GPC5: variants seen among roughly 807,000 people sequenced by gnomAD.
The protein encoded by GPC5 is glypican 5.
GPC5 carries 47 observed loss-of-function variants against 53.9 expected under a neutral mutation model. The ratio of observed to expected loss-of-function variants is 0.87; its 90% CI spans 0.69 to 1.11. GPC5 has a LOEUF of 1.11. GPC5 is among the 50% of genes most tolerant of loss of function. The probability of loss-of-function intolerance (pLI) is 0.00; values close to 1 mark genes in which losing one functional copy is unlikely to be tolerated. For synonymous variants in GPC5, 286 were observed against 263.3 expected, an observed-to-expected ratio of 1.09 and a Z score of -0.84; for missense variants, 748 against 713.1, an observed-to-expected ratio of 1.05 and a Z score of -0.56.
At chr13:92,498,275 G>A (rs893113491) in intron 7 of GPC5, among the ~76,000 whole-genome samples, 2 of 151,984 alleles carry the variant, frequency 1.3e-5, no homozygotes, top group Non-Finnish European at 1.5e-5. Context: ...CTTGGGGTGG[G>A]CTGTCTGCAT....
chr13:92,850,493 A>G (rs1878756821), intron 7 of GPC5, among the ~76,000 whole-genome samples: 1 of 152,030 alleles, frequency 6.6e-6, no homozygotes, highest in African/African-American at 2.4e-5. Flanking sequence ...CAGCTACTTG[A>G]GAGGCTGAGA....
chr13:91,606,272 T>C (rs1160303353), intron 2 of GPC5, among the ~76,000 whole-genome samples: 1 of 151,088 alleles, frequency 6.6e-6, no homozygotes, highest in Admixed American at 6.6e-5. Flanking sequence ...GATTTGCGTA[T>C]ATTGAACCAG....
chr13:91,741,300 G>A (rs1189071653), intron 4 of GPC5, among the ~76,000 whole-genome samples: 8 of 151,674 alleles, frequency 5.3e-5, no homozygotes, highest in Non-Finnish European at 1.0e-4. Flanking sequence ...TTATTAAATC[G>A]TGATTTGAGT....
intron 7 of GPC5, among the ~76,000 whole-genome samples, chr13:92,411,643 T>A (rs2139350018): frequency 6.6e-6 from 1 of 152,312 alleles, no homozygotes; most frequent in East Asian, 1.9e-4. Flanking sequence ...TTAATCTCAG[T>A]AATTTTAATA....
chr13:92,786,334 G>A (rs535017698), intron 7 of GPC5, among the ~76,000 whole-genome samples: 2 of 152,162 alleles, frequency 1.3e-5, no homozygotes, highest in Non-Finnish European at 2.9e-5. Flanking sequence ...GTTGAAAGAT[G>A]TGTATGATTT....
intron 7 of GPC5, among the ~76,000 whole-genome samples, chr13:92,254,966 CA>C (rs1346490799): frequency 6.6e-6 from 1 of 151,802 alleles, no homozygotes; most frequent in Non-Finnish European, 1.5e-5. Context: ...ATAATCAGAC[CA>C]AAAAAGACCC....
chr13:92,136,748 G>A (rs2041787711), intron 6 of GPC5, among the ~76,000 whole-genome samples: 1 of 152,170 alleles, frequency 6.6e-6, no homozygotes, highest in African/African-American at 2.4e-5. Flanking sequence ...CCACTAACAG[G>A]TTGTATGTGT....
At chr13:92,213,940 A>T (rs1259441775) in intron 7 of GPC5, among the ~76,000 whole-genome samples, 1 of 152,200 alleles carries the variant, frequency 6.6e-6, no homozygotes, top group Admixed American at 6.5e-5. Flanking sequence ...AGACATAAAA[A>T]TTTTATTTCC....
At chr13:92,680,889 A>T (rs1015198641) in intron 7 of GPC5, among the ~76,000 whole-genome samples, 1 of 152,144 alleles carries the variant, frequency 6.6e-6, no homozygotes, top group Non-Finnish European at 1.5e-5. Flanking sequence ...GTCACCAGGA[A>T]CCTTCTTCAG....
chr13:91,977,678 C>A (rs1411257904), intron 6 of GPC5, among the ~76,000 whole-genome samples: 3 of 152,106 alleles, frequency 2.0e-5, no homozygotes, highest in Non-Finnish European at 4.4e-5. Flanking sequence ...TTAAAGATAC[C>A]TCCTTCCCCC....
chr13:92,524,447 A>T (rs552672318), intron 7 of GPC5, among the ~76,000 whole-genome samples: 1 of 152,206 alleles, frequency 6.6e-6, no homozygotes, highest in South Asian at 2.1e-4. Context: ...CAGACAGAAT[A>T]TTTTTCCAAA....
At chr13:92,436,963 A>C (rs528812503) in intron 7 of GPC5, among the ~76,000 whole-genome samples, 14 of 152,328 alleles carry the variant, frequency 9.2e-5, no homozygotes, top group African/African-American at 3.4e-4. Flanking sequence ...TAAAGGGAAA[A>C]CATGACAAAA....
At chr13:92,352,389 G>C (rs970031695) in intron 7 of GPC5, among the ~76,000 whole-genome samples, 1 of 152,084 alleles carries the variant, frequency 6.6e-6, no homozygotes, top group Admixed American at 6.5e-5. Flanking sequence ...TATATTAAGA[G>C]AATTAATTCT....
rs1337270829 is a variant in GPC5 at position 91,693,527 on chromosome 13, C to T, written c.666C>T (p.Ser222=). 2.5e-6 allele frequency: 4 copies of T among 1,613,978 alleles called. No homozygotes were observed. In the African/African-American group the frequency reaches 5.3e-5, roughly 22 times the overall value. The change falls in exon 3 of 8, where the codon AGC becomes AGT. Residue 222 remains serine (S), a synonymous_variant. Transcript: ENST00000377067. ...MGQMGRSLLP[S]RTFLQALNLG... ...AGATGGGGAGGTCCCTGCTGCCCAG[C>T]CGCACTTTTCTGCAGGCACTCAATC...
In GPC5 at chr13:92,163,869, C is replaced by T. The variant is rs546116619; in HGVS notation, c.1561+18880C>T. Among the ~76,000 whole-genome samples, 29 of 152,298 alleles carry T rather than the reference C, an allele frequency of 1.9e-4. No individual in the cohort carries two copies. The South Asian group carries it at 6.0e-3, about 32-fold the overall frequency. On this transcript the variant is annotated intron_variant, in intron 7 of 7. Coordinates refer to ENST00000377067, the MANE Select transcript of GPC5 (RefSeq NM_004466.6). ...TTATAAAGAAAAGAGGTTTAATTGA[C>T]TCACAGTTCCACATGGCTAGAGAGG...
At chr13:92,457,673 T>A (rs1231390286) in intron 7 of GPC5, among the ~76,000 whole-genome samples, 1 of 152,198 alleles carries the variant, frequency 6.6e-6, no homozygotes, top group East Asian at 1.9e-4. Context: ...TAGCTCAAAT[T>A]TAGCCTATTT....
intron 1 of GPC5, among the ~76,000 whole-genome samples, chr13:91,439,435 A>G (rs1401634028): frequency 6.6e-6 from 1 of 152,200 alleles, no homozygotes; most frequent in Non-Finnish European, 1.5e-5. Flanking sequence ...ATCTTATAAA[A>G]ATCTTCAGTA....
At chr13:92,844,086 G>C (rs1246499495) in intron 7 of GPC5, among the ~76,000 whole-genome samples, 2 of 151,780 alleles carry the variant, frequency 1.3e-5, no homozygotes, top group Non-Finnish European at 1.5e-5. Flanking sequence ...AAGGATGATG[G>C]TGGGGAAAAG....
chr13:92,213,285 C>G lies in GPC5; in HGVS notation c.1561+68296C>G, dbSNP rs1375114559. Reference sequence around the variant, plus strand: ...ACATATATATGACAAACTTTCCATCCTCCCGGAGCTTACAAATCATTTTTT... The same window carrying G: ...ACATATATATGACAAACTTTCCATCGTCCCGGAGCTTACAAATCATTTTTT... On this transcript the variant is annotated intron_variant, in intron 7 of 7. Coordinates refer to ENST00000377067, the MANE Select transcript of GPC5 (RefSeq NM_004466.6). 2.0e-5 allele frequency among the ~76,000 whole-genome samples: 3 copies of G among 152,138 alleles called. No homozygotes were observed. The South Asian group carries it at 6.2e-4, about 32-fold the overall frequency.
Sources: gnomAD v4.1 joint callset for allele counts (sites outside exome capture counted in the v4.1 genomes callset) on GRCh38, gnomAD v4.1.1 for gene constraint, MANE v1.5 for transcripts, NCBI Gene and HGNC (gene_info 2026-07-23, HGNC 2026-07-21) for gene names.